Variants in PLEKHG7 observed in about 807,000 individuals in gnomAD.
The protein encoded by PLEKHG7 is pleckstrin homology and RhoGEF domain containing G7.
PLEKHG7 carries 77 observed loss-of-function variants against 85.2 expected under a neutral mutation model. The observed-to-expected ratio is 0.90, with a 90% CI of 0.75 to 1.09. The LOEUF is 1.09. Among genes scored for constraint, PLEKHG7 ranks in the 50% least tolerant of loss-of-function variants. PLEKHG7 has a pLI of 0.00. For missense variants in PLEKHG7, 777 were observed against 804.3 expected (o/e 0.97, Z 0.41); for synonymous variants, 301 against 302.4 (o/e 1.00, Z 0.05).
At chr12:92,721,444 C>T in intron 3 of PLEKHG7, 2 of 1,230,818 alleles carry the variant, frequency 1.6e-6, no homozygotes, top group Non-Finnish European at 2.0e-6. Flanking sequence ...GTTCTGGTAC[C>T]AGAAGGGAGA....
chr12:92,703,572 G>A (rs908426826), intron 1 of PLEKHG7, among the ~76,000 whole-genome samples: 4 of 152,218 alleles, frequency 2.6e-5, no homozygotes, highest in Non-Finnish European at 5.9e-5. Flanking sequence ...AATGCTGCAT[G>A]GCAGTTGGCA....
chr12:92,719,189 A>T (rs1871569510), intron 3 of PLEKHG7, among the ~76,000 whole-genome samples: 2 of 152,218 alleles, frequency 1.3e-5, no homozygotes, highest in Admixed American at 6.5e-5. Context: ...AGATTTAACC[A>T]AGAGAACTGT....
chr12:92,703,249 A>C (rs1871134873), intron 1 of PLEKHG7, 117 bp downstream of exon 1: 1 of 152,192 alleles, frequency 6.6e-6, no homozygotes. Context: ...AGAATTAGTG[A>C]ATCATTAACC....
At position 92,736,512 on chromosome 12, in the gene PLEKHG7, C is replaced by A; in HGVS notation, c.730C>A (p.Leu244Met). The change falls in exon 6 of 17, where the codon CTG becomes ATG. Residue 244 changes from leucine (L) to methionine (M), a missense_variant. Physicochemically the swap from Leu to Met is conservative, Grantham distance 15 (BLOSUM62 2). This residue lies in a region of PLEKHG7 where 520 missense variants were observed against 544.0 expected (regional missense o/e 0.96). Coordinates refer to ENST00000344636, the MANE Select transcript of PLEKHG7 (RefSeq NM_001377329.1). ...AGACAAACACAAGCACATATCTGAT[C>A]TGGAAAACTGCCTGTCCTCTGTGAA... The part of the protein sequence containing the change: ...GKDKHKHISD[L>M]ENCLSSVKIT... 2 of 1,231,966 alleles carry A rather than the reference C, an allele frequency of 1.6e-6. No individual in the cohort carries two copies. The highest frequency in any genetic ancestry group is 2.0e-6 in the Non-Finnish European group (2 of 987,808). The allele number at this position is 1,231,966 out of a possible 1,614,324, so 76.3% of individuals were successfully genotyped here.
intron 16 of PLEKHG7, 127 bp downstream of exon 16, chr12:92,769,207 G>A: frequency 1.6e-6 from 1 of 639,818 alleles, no homozygotes; most frequent in Non-Finnish European, 2.7e-6. Context: ...GGGCAGATTT[G>A]GGAGGAGGGG....
At chr12:92,765,325 T>TA (rs59974651) in intron 15 of PLEKHG7, among the ~76,000 whole-genome samples, 2,248 of 128,868 alleles carry the variant, frequency 0.017, 55 homozygotes, top group African/African-American at 0.058. Context: ...AGTCTCTTAT[T>TA]AAAAAAAAAA....
intron 14 of PLEKHG7, among the ~76,000 whole-genome samples, chr12:92,763,679 G>T (rs1179559314): frequency 6.6e-6 from 1 of 151,962 alleles, no homozygotes; most frequent in Non-Finnish European, 1.5e-5. Flanking sequence ...AGCAGGGCAT[G>T]GTGGTGTATG....
chr12:92,706,708 G>A lies in PLEKHG7; in HGVS notation c.77G>A (p.Ser26Asn), dbSNP rs1163719912. 1 of 1,613,994 alleles carries A rather than the reference G, an allele frequency of 6.2e-7. No individual in the cohort carries two copies. Residue 26 changes from serine (S) to asparagine (N), a missense_variant, in exon 2 of 17, where the codon AGC (serine) becomes AAC (asparagine). Ser to Asn is a conservative substitution (Grantham distance 46). Coordinates refer to ENST00000344636, the MANE Select transcript of PLEKHG7 (RefSeq NM_001377329.1). Reference sequence around the variant, plus strand: ...GCCTCTCCTCGGCCCTCGCTGAGGAGCCTGCCAAAGAACCAGGGGAGTCTC... The same window carrying A: ...GCCTCTCCTCGGCCCTCGCTGAGGAACCTGCCAAAGAACCAGGGGAGTCTC... ...CGASPRPSLR[S>N]LPKNQGSLLQ...
chr12:92,739,097 C>G (rs937405040), intron 7 of PLEKHG7, among the ~76,000 whole-genome samples: 1 of 152,246 alleles, frequency 6.6e-6, no homozygotes, highest in African/African-American at 2.4e-5. Context: ...ACCCTGCCTT[C>G]CATGGCATTA....
At chr12:92,703,491 A>G (rs1871144098) in intron 1 of PLEKHG7, among the ~76,000 whole-genome samples, 1 of 152,206 alleles carries the variant, frequency 6.6e-6, no homozygotes, top group Non-Finnish European at 1.5e-5. Flanking sequence ...GCTTCCCAGG[A>G]GCCTTAGCCA....
chr12:92,751,649 C>T (rs1872692984), intron 10 of PLEKHG7, among the ~76,000 whole-genome samples: 1 of 150,368 alleles, frequency 6.7e-6, no homozygotes, highest in South Asian at 2.2e-4. Context: ...GCTGGGATTA[C>T]AGGCATGAGC....
chr12:92,765,446 AT>A (rs1247481239), intron 15 of PLEKHG7, among the ~76,000 whole-genome samples: 1 of 152,100 alleles, frequency 6.6e-6, no homozygotes, highest in Non-Finnish European at 1.5e-5. Flanking sequence ...CCTGACCAAC[AT>A]GGAGAAATCC....
intron 10 of PLEKHG7, among the ~76,000 whole-genome samples, chr12:92,751,819 C>A (rs1293686193): frequency 6.6e-6 from 1 of 152,074 alleles, no homozygotes; most frequent in Non-Finnish European, 1.5e-5. Context: ...GCGTTTGAGG[C>A]TAGCCTGGGC....
rs1274661694 is a variant in PLEKHG7 at position 92,740,565 on chromosome 12, C to T, written c.940-288C>T. 2.6e-5 allele frequency among the ~76,000 whole-genome samples: 4 copies of T among 152,292 alleles called. No individual in the cohort carries two copies. In the South Asian group the frequency reaches 6.2e-4, roughly 24 times the overall value. On this transcript the variant is annotated intron_variant, in intron 7 of 16. Transcript: ENST00000344636. ...AAGAGAATCTTTGGGATTTCTTTGG[C>T]ACTAGAAGTAGAGGAAGCCCATTTG... is the stretch of plus-strand genomic sequence containing the variant.
rs1873387178 is a variant in PLEKHG7, at chr12:92,770,688, CT to C, written c.*497del. 6.6e-6 allele frequency: 1 copy of C among 152,492 alleles called. No homozygotes were observed. The highest frequency in any genetic ancestry group is 1.5e-5 in the Non-Finnish European group (1 of 68,338). 9.4% of individuals were successfully genotyped at this position (152,492 alleles called of 1,614,324 possible). On this transcript the variant is annotated 3_prime_UTR_variant, in exon 17 of 17. Transcript: ENST00000344636. ...TCTTTAGATACAAAGCTTGATTGTT[CT>C]TTTAATATACAAAGCAATAAATAGG...
chr12:92,715,464 A>G (rs967554813), intron 3 of PLEKHG7, among the ~76,000 whole-genome samples: 2 of 152,096 alleles, frequency 1.3e-5, no homozygotes, highest in African/African-American at 4.8e-5. Flanking sequence ...TTACATTACT[A>G]CTAATAAACA....
chr12:92,745,233 G>A (rs1457016453), intron 9 of PLEKHG7, among the ~76,000 whole-genome samples: 3 of 152,166 alleles, frequency 2.0e-5, no homozygotes, highest in Non-Finnish European at 2.9e-5. Flanking sequence ...TTTAAGTATA[G>A]GGAGAAAAAG....
At chr12:92,757,064 C>G (rs1426619353) in intron 13 of PLEKHG7, among the ~76,000 whole-genome samples, 1 of 152,172 alleles carries the variant, frequency 6.6e-6, no homozygotes, top group Non-Finnish European at 1.5e-5. Flanking sequence ...GCAGAAGCCC[C>G]TGGAGAAACT....
At chr12:92,738,416 C>T (rs749032949) in intron 7 of PLEKHG7, among the ~76,000 whole-genome samples, 1 of 152,228 alleles carries the variant, frequency 6.6e-6, no homozygotes, top group Non-Finnish European at 1.5e-5. Flanking sequence ...GATCTGAGTT[C>T]AAGCCCTGGC....
Sources: allele counts gnomAD v4.1 joint callset (sites outside exome capture counted in the v4.1 genomes callset), GRCh38; gene constraint gnomAD v4.1.1; regional missense constraint gnomAD v4.1.1; transcripts MANE v1.5; gene names NCBI Gene and HGNC (gene_info 2026-07-23, HGNC 2026-07-21).